ABI3BP: variants seen among roughly 807,000 people sequenced by gnomAD.
ABI3BP encodes the protein target of Nesh-SH3.
Under a neutral mutation model 268.6 loss-of-function variants are expected in ABI3BP, and 216 were observed. The ratio of observed to expected loss-of-function variants is 0.80; its 90% confidence interval spans 0.72 to 0.90. The LOEUF is 0.90. Among genes scored for constraint, ABI3BP ranks in the 40% least tolerant of loss-of-function variants. ABI3BP has a pLI of 0.00. For missense variants in ABI3BP, 2,090 were observed against 2,182.4 expected (o/e 0.96, Z 0.84); for synonymous variants, 730 against 730.0 (o/e 1.00, Z 0.00).
intron 51 of ABI3BP, among the ~76,000 whole-genome samples, chr3:100,800,243 T>C (rs1258543731): frequency 6.6e-6 from 1 of 151,926 alleles, no homozygotes; most frequent in Non-Finnish European, 1.5e-5. Flanking sequence ...TAATATTCCA[T>C]TTAAAAAAAT....
chr3:100,888,531 T>C (rs2043014114), intron 4 of ABI3BP, among the ~76,000 whole-genome samples: 1 of 152,072 alleles, frequency 6.6e-6, no homozygotes, highest in Non-Finnish European at 1.5e-5. Context: ...GATTCAAGGC[T>C]TTGCAGTCAA....
chr3:100,775,380 C>T (rs1197851636), intron 59 of ABI3BP, 45 bp from the exon 60 acceptor site: 2 of 1,564,618 alleles, frequency 1.3e-6, no homozygotes, highest in East Asian at 2.3e-5. Context: ...GGAACACTGC[C>T]AAGTTTCCTA....
At chr3:100,921,298 A>C (rs1394621326) in intron 2 of ABI3BP, among the ~76,000 whole-genome samples, 1 of 152,238 alleles carries the variant, frequency 6.6e-6, no homozygotes, top group Non-Finnish European at 1.5e-5. Context: ...TTCAACGTGC[A>C]CCACATAACT....
At chr3:100,795,587 G>A (rs1418180736) in intron 53 of ABI3BP, among the ~76,000 whole-genome samples, 1 of 152,064 alleles carries the variant, frequency 6.6e-6, no homozygotes, top group African/African-American at 2.4e-5. Context: ...TGAAGTAAAT[G>A]AAGATGTATT....
At chr3:100,930,374 C>T (rs2153660691) in intron 1 of ABI3BP, among the ~76,000 whole-genome samples, 1 of 152,044 alleles carries the variant, frequency 6.6e-6, no homozygotes, top group South Asian at 2.1e-4. Flanking sequence ...CAAAAAATTG[C>T]ATATTTGCAA....
At position 100,992,782 on chromosome 3, in the gene ABI3BP, C is replaced by T. The variant is rs562289762; in HGVS notation, c.79+524G>A. Among the ~76,000 whole-genome samples the T allele has an allele frequency of 5.0e-4, 76 of 152,318 alleles. 1 individual carries two copies. In the South Asian group the frequency reaches 8.9e-3, roughly 18 times the overall value. On this transcript the variant is annotated intron_variant, in intron 1 of 67. Transcript: ENST00000471714. ...AACAGCTCAAGCCCTCTTCCAAACT[C>T]CACTGGAGGGACGTGTCTGCAAATC...
At chr3:100,756,502 C>T (rs2095625334) in intron 63 of ABI3BP, among the ~76,000 whole-genome samples, 1 of 152,166 alleles carries the variant, frequency 6.6e-6, no homozygotes. Context: ...AAATATTTTC[C>T]AGAGATTAAA....
intron 43 of ABI3BP, chr3:100,816,334 G>A: frequency 2.3e-6 from 1 of 436,464 alleles, no homozygotes; most frequent in Non-Finnish European, 4.1e-6. Flanking sequence ...CTTGGAAGTT[G>A]AAAATAAATG....
rs73861217 is a variant in ABI3BP, at chr3:100,816,833, A to C, written c.3149-65T>G. The C allele has an allele frequency of 1.7e-3, 1,975 of 1,145,016 alleles. 33 individuals are homozygous for C. In the African/African-American group the frequency reaches 0.027, roughly 16 times the overall value. The allele number at this position is 1,145,016 out of a possible 1,614,324, so 70.9% of individuals were successfully genotyped here. ...TTTGGAGACAAAACTTTAGGTTTTT[A>C]AAGGTATGTCATATTTCCTTGAGAT... On this transcript the variant is annotated intron_variant, in intron 42 of 67. Transcript: ENST00000471714.
chr3:100,837,848 C>CT (rs2098628446), intron 26 of ABI3BP, among the ~76,000 whole-genome samples: 1 of 152,106 alleles, frequency 6.6e-6, no homozygotes. Context: ...TCAGTTGTGC[C>CT]TATAAATGAA....
chr3:100,767,509 A>T (rs1273830887), intron 62 of ABI3BP, among the ~76,000 whole-genome samples: 2 of 152,040 alleles, frequency 1.3e-5, no homozygotes, highest in Non-Finnish European at 2.9e-5. Context: ...TCTGAATTAA[A>T]ATCTGTCCAT....
At chr3:100,859,776 CACTTTGAA>C (rs1469863464) in intron 14 of ABI3BP, among the ~76,000 whole-genome samples, 1 of 152,152 alleles carries the variant, frequency 6.6e-6, no homozygotes, top group Non-Finnish European at 1.5e-5. Context: ...CTTAACTACC[CACTTTGAA>C]AAATCAAGCT....
chr3:100,756,195 C>A (rs1001970911), intron 63 of ABI3BP, among the ~76,000 whole-genome samples: 1 of 152,176 alleles, frequency 6.6e-6, no homozygotes, highest in African/African-American at 2.4e-5. Context: ...CAATGAGGCT[C>A]AAAACACTTG....
At chr3:100,872,639 T>G (rs1308543944) in intron 9 of ABI3BP, among the ~76,000 whole-genome samples, 1 of 152,182 alleles carries the variant, frequency 6.6e-6, no homozygotes, top group Non-Finnish European at 1.5e-5. Context: ...TGGGGCAAAG[T>G]ATACAGTCTC....
intron 57 of ABI3BP, among the ~76,000 whole-genome samples, chr3:100,785,232 G>T (rs1283440905): frequency 2.0e-5 from 3 of 152,138 alleles, no homozygotes; most frequent in Non-Finnish European, 4.4e-5. Flanking sequence ...TGTCAAAGCT[G>T]AACATGAAAC....
chr3:100,925,068 T>A (rs2061423511), intron 2 of ABI3BP, among the ~76,000 whole-genome samples: 1 of 152,160 alleles, frequency 6.6e-6, no homozygotes, highest in African/African-American at 2.4e-5. Flanking sequence ...CCTCTCAGTT[T>A]TTTGGTAACA....
chr3:100,838,356 C>T, intron 25 of ABI3BP, 46 bp downstream of exon 25: 1 of 1,528,016 alleles, frequency 6.5e-7, no homozygotes, highest in East Asian at 2.4e-5. Context: ...GTTACTTACA[C>T]ATTGTTTTCC....
At chr3:100,986,525 G>A (rs2091812551) in intron 1 of ABI3BP, among the ~76,000 whole-genome samples, 1 of 151,962 alleles carries the variant, frequency 6.6e-6, no homozygotes, top group African/African-American at 2.4e-5. Context: ...GGAGTGCAGT[G>A]GCACAATCTC....
chr3:100,784,301 G>A (rs1421953893), intron 57 of ABI3BP, among the ~76,000 whole-genome samples: 3 of 152,000 alleles, frequency 2.0e-5, no homozygotes, highest in South Asian at 4.2e-4. Context: ...TGTCCTATAG[G>A]AACTACAAAT....
Sources: allele counts gnomAD v4.1 joint callset (sites outside exome capture counted in the v4.1 genomes callset), GRCh38; gene constraint gnomAD v4.1.1; transcripts MANE v1.5; gene names NCBI Gene and HGNC (gene_info 2026-07-23, HGNC 2026-07-21).